KPNA3: variants seen among roughly 807,000 people sequenced by gnomAD.
KPNA3 encodes importin subunit alpha-4.
In KPNA3, 13 loss-of-function variants were observed where a neutral mutation model predicts 73.8. That is an observed-to-expected ratio of 0.18 (90% CI 0.11 to 0.28). The LOEUF (loss-of-function observed/expected upper bound fraction) is 0.28. KPNA3 is among the 10% of genes least tolerant of loss of function. The probability of loss-of-function intolerance (pLI) is 1.00; values close to 1 mark genes in which losing one functional copy is unlikely to be tolerated. For missense variants in KPNA3, 360 were observed against 618.1 expected (o/e 0.58, Z 4.43); for synonymous variants, 186 against 206.9 (o/e 0.90, Z 0.87).
At chr13:49,707,298 T>C (rs555846491) in intron 12 of KPNA3, among the ~76,000 whole-genome samples, 1 of 152,324 alleles carries the variant, frequency 6.6e-6, no homozygotes, top group East Asian at 1.9e-4. Context: ...CTTCCACAAA[T>C]GAATTTGTTT....
intron 2 of KPNA3, 143 bp from the exon 3 acceptor site, chr13:49,733,189 C>T (rs757284671): frequency 3.0e-5 from 18 of 604,434 alleles, no homozygotes; most frequent in Non-Finnish European, 4.6e-5. Flanking sequence ...GTGCATACTG[C>T]AAACCAATGA....
At chr13:49,764,350 T>C (rs76641070) in intron 1 of KPNA3, among the ~76,000 whole-genome samples, 4,990 of 152,226 alleles carry the variant, frequency 0.033, 108 homozygotes, top group Non-Finnish European at 0.049. Flanking sequence ...TAACAAATTC[T>C]AGGTCTCTAA....
intron 1 of KPNA3, among the ~76,000 whole-genome samples, chr13:49,754,231 G>A (rs992174528): frequency 6.6e-6 from 1 of 152,140 alleles, no homozygotes; most frequent in African/African-American, 2.4e-5. Flanking sequence ...AACCTGGGAG[G>A]TGGAGGCTGC....
intron 2 of KPNA3, among the ~76,000 whole-genome samples, chr13:49,745,484 C>T (rs1425037824): frequency 6.6e-6 from 1 of 151,724 alleles, no homozygotes; most frequent in Non-Finnish European, 1.5e-5. Context: ...CTCAGCCTCC[C>T]GAGTAGCTGG....
At chr13:49,734,916 C>T (rs201909693) in intron 2 of KPNA3, among the ~76,000 whole-genome samples, 65 of 96,794 alleles carry the variant, frequency 6.7e-4, no homozygotes, top group East Asian at 2.6e-3. Flanking sequence ...TATATATATA[C>T]ACACACATAT....
chr13:49,708,855 A>G (rs1277678179), intron 12 of KPNA3, among the ~76,000 whole-genome samples: 1 of 152,176 alleles, frequency 6.6e-6, no homozygotes, highest in African/African-American at 2.4e-5. Context: ...TAAAAAGAGT[A>G]ATTTTTTATG....
chr13:49,740,166 G>A (rs1954560391), intron 2 of KPNA3, among the ~76,000 whole-genome samples: 1 of 151,750 alleles, frequency 6.6e-6, no homozygotes, highest in Non-Finnish European at 1.5e-5. Flanking sequence ...AGAATTGCTT[G>A]AGCCTGGGAG....
intron 11 of KPNA3, among the ~76,000 whole-genome samples, chr13:49,710,137 C>CT (rs1954246831): frequency 2.0e-5 from 3 of 152,120 alleles, no homozygotes; most frequent in Admixed American, 2.0e-4. Flanking sequence ...TGGTGCATGC[C>CT]TGTAATCCCA....
chr13:49,770,848 A>AAAG (rs1954848748), intron 1 of KPNA3, among the ~76,000 whole-genome samples: 6 of 147,984 alleles, frequency 4.1e-5, no homozygotes, highest in African/African-American at 1.5e-4. Flanking sequence ...AAAAAAAAAA[A>AAAG]AAAAGAAAAG....
intron 2 of KPNA3, among the ~76,000 whole-genome samples, chr13:49,744,796 G>A (rs1375457378): frequency 6.6e-6 from 1 of 152,128 alleles, no homozygotes; most frequent in Non-Finnish European, 1.5e-5. Flanking sequence ...CGGGGAAAGG[G>A]TACAGGAGAA....
chr13:49,737,553 GTGTGTGTC>G (rs990971721), intron 2 of KPNA3, among the ~76,000 whole-genome samples: 9 of 118,908 alleles, frequency 7.6e-5, no homozygotes, highest in African/African-American at 2.3e-4. Context: ...ACTATTAAGT[GTGTGTGTC>G]TGTGTGTGTG....
intron 1 of KPNA3, among the ~76,000 whole-genome samples, chr13:49,766,170 A>G (rs1195391604): frequency 6.6e-6 from 1 of 152,232 alleles, no homozygotes; most frequent in Non-Finnish European, 1.5e-5. Flanking sequence ...GCAGGCAGTC[A>G]TCAATGTTTG....
chr13:49,699,668 T>C lies in KPNA3; in HGVS notation c.*2132A>G, dbSNP rs988848379. The C allele has an allele frequency of 6.6e-6, 1 of 152,596 alleles. No individual in the cohort carries two copies. Among genetic ancestry groups the C allele is most frequent in the African/African-American group, 2.4e-5 (1 of 41,424 alleles). The allele number at this position is 152,596 out of a possible 1,614,324, so 9.5% of individuals were successfully genotyped here. A position where few individuals can be genotyped will look rare whatever the true frequency, so the allele number is the denominator to read the frequency against. On this transcript the variant is annotated 3_prime_UTR_variant, in exon 17 of 17. Transcript: ENST00000261667. ...TGAGAGGAAATAGGAATCATCACAG[T>C]AGAGGCCCAATTTTAATCATAATGT...
chr13:49,788,052 A>G (rs1025321369), intron 1 of KPNA3, among the ~76,000 whole-genome samples: 1 of 152,226 alleles, frequency 6.6e-6, no homozygotes, highest in African/African-American at 2.4e-5. Flanking sequence ...ACTTAAGGCC[A>G]CTTACTTAAG....
At chr13:49,753,026 C>CAAAAAAAAAAAAAAAAAAAA (rs71078888) in intron 1 of KPNA3, among the ~76,000 whole-genome samples, 2 of 82,204 alleles carry the variant, frequency 2.4e-5, no homozygotes, top group Non-Finnish European at 4.5e-5. Flanking sequence ...GACTCTGTCT[C>CAAAAAAAAAAAAAAAAAAAA]AAAAAAAAAA....
chr13:49,790,118 T>C (rs1955020356), intron 1 of KPNA3, among the ~76,000 whole-genome samples: 1 of 152,184 alleles, frequency 6.6e-6, no homozygotes, highest in African/African-American at 2.4e-5. Flanking sequence ...GAATAAATAA[T>C]ACCCATATCC....
intron 6 of KPNA3, among the ~76,000 whole-genome samples, chr13:49,730,767 C>T (rs1295171956): frequency 1.0e-5 from 1 of 96,160 alleles, no homozygotes. Flanking sequence ...TATCCCTCCC[C>T]CCTCCCCCCT....
At chr13:49,758,996 T>C (rs969178179) in intron 1 of KPNA3, among the ~76,000 whole-genome samples, 4 of 152,076 alleles carry the variant, frequency 2.6e-5, no homozygotes, top group African/African-American at 9.7e-5. Flanking sequence ...ACATACCAAA[T>C]ATCAAAGATA....
chr13:49,787,743 G>A (rs1024581724), intron 1 of KPNA3, among the ~76,000 whole-genome samples: 4 of 150,096 alleles, frequency 2.7e-5, no homozygotes, highest in Non-Finnish European at 4.4e-5. Context: ...GCAGTGGTGC[G>A]ATCTTGACTC....
Sources: allele counts gnomAD v4.1 joint callset (sites outside exome capture counted in the v4.1 genomes callset), GRCh38; gene constraint gnomAD v4.1.1; transcripts MANE v1.5; gene names NCBI Gene and HGNC (gene_info 2026-07-23, HGNC 2026-07-21).